The following SLC25A20 variants were observed in gnomAD, a reference collection of about 807,000 sequenced individuals.
The protein encoded by SLC25A20 is solute carrier family 25 member 20.
Under a neutral mutation model 39.7 loss-of-function variants are expected in SLC25A20, and 29 were observed. The observed-to-expected ratio is 0.73, with a 90% CI of 0.54 to 1.00. The LOEUF (loss-of-function observed/expected upper bound fraction) is 1.00. Ranked by LOEUF, SLC25A20 falls within the 50% of genes least tolerant of loss-of-function variation. The pLI, the probability that SLC25A20 is intolerant of heterozygous loss-of-function variation, is 0.00. For synonymous variants in SLC25A20, 103 were observed against 142.2 expected, an observed-to-expected ratio of 0.72 and a Z score of 1.96; for missense variants, 333 against 379.9, an observed-to-expected ratio of 0.88 and a Z score of 1.03.
intron 4 of SLC25A20, among the ~76,000 whole-genome samples, chr3:48,875,668 A>C (rs1049652573): frequency 6.6e-6 from 1 of 152,048 alleles, no homozygotes; most frequent in African/African-American, 2.4e-5. Flanking sequence ...CCTTGGCCTC[A>C]CAAACTGCTG....
rs1237638371 is a variant in SLC25A20 at position 48,884,091 on chromosome 3, G to C, written c.232C>G (p.Pro78Ala). The change falls in exon 3 of 9, where the codon CCT becomes GCT. Residue 78 changes from proline to alanine, a missense_variant. By Grantham distance (27) the Pro-to-Ala change is conservative. Transcript: ENST00000319017. ...ITGLYRGMAAPIIGVTPMFAV... is the reference protein window; with the variant it reads ...ITGLYRGMAAAIIGVTPMFAV... ...AACATGGGAGTGACCCCGATGATAG[G>C]GGCAGCCATTCCCCGATATAGCCCC... The C allele has an allele frequency of 1.9e-6, 3 of 1,613,732 alleles. No homozygotes were observed. The highest frequency in any genetic ancestry group is 2.2e-5 in the East Asian group (1 of 44,846).
intron 4 of SLC25A20, among the ~76,000 whole-genome samples, chr3:48,867,922 G>A (rs530613957): frequency 3.9e-5 from 6 of 151,952 alleles, no homozygotes; most frequent in Admixed American, 6.6e-5. Context: ...TTAGCCAGGC[G>A]TGGAGGTGCA....
At chr3:48,893,151 C>A (rs1359279126) in intron 1 of SLC25A20, among the ~76,000 whole-genome samples, 1 of 151,980 alleles carries the variant, frequency 6.6e-6, no homozygotes, top group African/African-American at 2.4e-5. Flanking sequence ...CCTCAGCCCC[C>A]CAAGCAGCTG....
chr3:48,867,352 T>C (rs957340681), intron 4 of SLC25A20, among the ~76,000 whole-genome samples: 1 of 150,988 alleles, frequency 6.6e-6, no homozygotes, highest in African/African-American at 2.4e-5. Context: ...TTCAAGTGAT[T>C]CTCCTGCCTC....
intron 2 of SLC25A20, among the ~76,000 whole-genome samples, chr3:48,888,749 C>G (rs1366745255): frequency 2.6e-5 from 4 of 151,942 alleles, no homozygotes; most frequent in Non-Finnish European, 1.5e-5. Flanking sequence ...TATATTTAAT[C>G]AAGGCTATAA....
At chr3:48,891,366 T>C (rs1239969196) in intron 2 of SLC25A20, among the ~76,000 whole-genome samples, 1 of 151,920 alleles carries the variant, frequency 6.6e-6, no homozygotes, top group Non-Finnish European at 1.5e-5. Flanking sequence ...TAAGCCACCA[T>C]GATTGGCCTT....
At chr3:48,883,154 C>A (rs1575989014) in intron 3 of SLC25A20, among the ~76,000 whole-genome samples, 1 of 151,972 alleles carries the variant, frequency 6.6e-6, no homozygotes, top group East Asian at 1.9e-4. Flanking sequence ...GAGATTGCGC[C>A]ACTGCACTCC....
In SLC25A20 at chr3:48,893,930, G is replaced by A. The variant is rs1002265307; in HGVS notation, c.106-1858C>T. ...AATCCCAGCATTTTGGGAGGCTGAG[G>A]TGGGTCAATAACCTGAGGTCAGGAG... On this transcript the variant is annotated intron_variant, in intron 1 of 8. Coordinates refer to ENST00000319017, the MANE Select transcript of SLC25A20 (RefSeq NM_000387.6). Among the ~76,000 whole-genome samples the A allele has an allele frequency of 2.0e-5, 3 of 151,702 alleles. No homozygotes were observed. In the South Asian group the frequency reaches 6.3e-4, roughly 32 times the overall value.
At chr3:48,883,966 C>A in intron 3 of SLC25A20, 31 bp downstream of exon 3, 1 of 1,611,416 alleles carries the variant, frequency 6.2e-7, no homozygotes, top group African/African-American at 1.3e-5. Flanking sequence ...CCAGGCAGAA[C>A]AGCAAGTGCT....
intron 4 of SLC25A20, among the ~76,000 whole-genome samples, chr3:48,867,418 T>TTTTTTTTG (rs1553685193): frequency 7.0e-6 from 1 of 142,790 alleles, no homozygotes; most frequent in Non-Finnish European, 1.5e-5. Context: ...GTAATTTTTT[T>TTTTTTTTG]TTTTTTTTGT....
At chr3:48,897,438 C>T (rs1000926828) in intron 1 of SLC25A20, among the ~76,000 whole-genome samples, 9 of 147,366 alleles carry the variant, frequency 6.1e-5, no homozygotes, top group African/African-American at 2.3e-4. Context: ...CTATATGGAC[C>T]AAGAGCAGGA....
chr3:48,869,692 A>G lies in SLC25A20; in HGVS notation c.418-7033T>C, dbSNP rs1330592183. Among the ~76,000 whole-genome samples the G allele has an allele frequency of 2.6e-5, 4 of 152,258 alleles. No individual in the cohort carries two copies. In the East Asian group the frequency reaches 7.7e-4, roughly 29 times the overall value. On this transcript the variant is annotated intron_variant, in intron 4 of 8. Coordinates refer to ENST00000319017, the MANE Select transcript of SLC25A20 (RefSeq NM_000387.6). Reference sequence around the variant, plus strand: ...GTTAGCCAGGCCGGGTGACACCTGTAGTCCCAGCTAATAGGAGGCTGAGGC... The same window carrying G: ...GTTAGCCAGGCCGGGTGACACCTGTGGTCCCAGCTAATAGGAGGCTGAGGC...
intron 3 of SLC25A20, among the ~76,000 whole-genome samples, chr3:48,883,760 T>C (rs973575102): frequency 1.2e-4 from 18 of 151,428 alleles, no homozygotes; most frequent in African/African-American, 4.1e-4. Flanking sequence ...TAGCTGGGAC[T>C]ACAGGCGCCT....
intron 4 of SLC25A20, among the ~76,000 whole-genome samples, chr3:48,863,970 G>A (rs903654212): frequency 3.3e-5 from 5 of 151,798 alleles, no homozygotes; most frequent in Admixed American, 6.6e-5. Flanking sequence ...AGCCGAGATC[G>A]TGCCACTGCA....
intron 4 of SLC25A20, among the ~76,000 whole-genome samples, chr3:48,866,294 C>A (rs2083668214): frequency 6.6e-6 from 1 of 152,054 alleles, no homozygotes; most frequent in Non-Finnish European, 1.5e-5. Flanking sequence ...CAGCTCACGT[C>A]TGTAATCCCA....
intron 5 of SLC25A20, among the ~76,000 whole-genome samples, 160 bp downstream of exon 5, chr3:48,862,382 C>T (rs551222457): frequency 6.6e-6 from 1 of 152,352 alleles, no homozygotes; most frequent in East Asian, 1.9e-4. Context: ...TCCTAATCTA[C>T]GTCCATGCTG....
intron 2 of SLC25A20, among the ~76,000 whole-genome samples, chr3:48,885,333 T>C (rs1325776457): frequency 6.6e-6 from 1 of 150,868 alleles, no homozygotes; most frequent in African/African-American, 2.4e-5. Context: ...GACAGACAAA[T>C]ACATACATAA....
At chr3:48,860,397 G>A (rs1225433336) in intron 5 of SLC25A20, among the ~76,000 whole-genome samples, 2 of 151,606 alleles carry the variant, frequency 1.3e-5, no homozygotes, top group Non-Finnish European at 2.9e-5. Context: ...GGCGGATCAC[G>A]AGGTCAAGAG....
intron 4 of SLC25A20, among the ~76,000 whole-genome samples, chr3:48,866,544 A>C (rs1301620965): frequency 6.6e-6 from 1 of 151,556 alleles, no homozygotes; most frequent in Non-Finnish European, 1.5e-5. Context: ...ACAGAACAAG[A>C]CTCCATCTCA....
Sources: allele counts gnomAD v4.1 joint callset (sites outside exome capture counted in the v4.1 genomes callset), GRCh38; gene constraint gnomAD v4.1.1; transcripts MANE v1.5; gene names NCBI Gene and HGNC (gene_info 2026-07-23, HGNC 2026-07-21).